Variants in TTC28 observed in about 807,000 individuals in gnomAD.
The protein encoded by TTC28 is tetratricopeptide repeat protein 28.
TTC28 carries 61 observed loss-of-function variants against 198.0 expected under a neutral mutation model. That is an observed-to-expected ratio of 0.31 (90% confidence interval 0.25 to 0.38). TTC28 has a LOEUF of 0.38. Ranked by LOEUF, TTC28 falls within the 10% of genes least tolerant of loss-of-function variation. The pLI is 1.00. For missense variants in TTC28, 2,678 were observed against 3,164.0 expected (o/e 0.85, Z 3.69); for synonymous variants, 1,171 against 1,297.8 (o/e 0.90, Z 2.10).
intron 5 of TTC28, among the ~76,000 whole-genome samples, chr22:28,289,783 T>G (rs1036857648): frequency 2.6e-5 from 4 of 152,202 alleles, no homozygotes; most frequent in Non-Finnish European, 5.9e-5. Context: ...CCCAACACTT[T>G]GGGAGGCCAA....
At chr22:28,355,891 G>C (rs948138026) in intron 2 of TTC28, among the ~76,000 whole-genome samples, 1 of 152,160 alleles carries the variant, frequency 6.6e-6, no homozygotes, top group African/African-American at 2.4e-5. Flanking sequence ...CCACTGCAGC[G>C]GGGAGAAGAT....
At chr22:28,299,688 CAAAAAT>C (rs2044977813) in intron 3 of TTC28, among the ~76,000 whole-genome samples, 1 of 152,064 alleles carries the variant, frequency 6.6e-6, no homozygotes, top group Non-Finnish European at 1.5e-5. Flanking sequence ...TTAGCAGAAA[CAAAAAT>C]AATAGAATTT....
At chr22:28,154,282 G>A (rs1460308224) in intron 6 of TTC28, among the ~76,000 whole-genome samples, 7 of 151,194 alleles carry the variant, frequency 4.6e-5, no homozygotes, top group Admixed American at 4.6e-4. Context: ...TCATTGTTAT[G>A]CAACTACAGT....
intron 6 of TTC28, among the ~76,000 whole-genome samples, chr22:28,157,296 T>G (rs1296255567): frequency 1.3e-5 from 2 of 152,126 alleles, no homozygotes; most frequent in African/African-American, 4.8e-5. Context: ...GCAATGAGAT[T>G]AAAGCTGTAA....
intron 1 of TTC28, among the ~76,000 whole-genome samples, chr22:28,678,986 T>C (rs566766503): frequency 2.0e-5 from 3 of 152,094 alleles, no homozygotes; most frequent in African/African-American, 7.2e-5. Context: ...GAGGCAAGGG[T>C]GGGGGTAAGC....
At chr22:28,597,956 G>A (rs2050569470) in intron 2 of TTC28, among the ~76,000 whole-genome samples, 1 of 151,598 alleles carries the variant, frequency 6.6e-6, no homozygotes, top group African/African-American at 2.4e-5. Context: ...CACACCTCCT[G>A]AGCTCAAGCA....
chr22:28,071,283 G>A (rs949211122), intron 12 of TTC28, among the ~76,000 whole-genome samples: 12 of 151,916 alleles, frequency 7.9e-5, no homozygotes, highest in South Asian at 2.1e-4. Flanking sequence ...ACATGCACAC[G>A]TATGTTTATT....
intron 2 of TTC28, among the ~76,000 whole-genome samples, chr22:28,529,948 G>A (rs1339819848): frequency 6.6e-6 from 1 of 152,132 alleles, no homozygotes; most frequent in Non-Finnish European, 1.5e-5. Flanking sequence ...CACAAAAATG[G>A]GGAAAAACCA....
At chr22:28,196,910 T>C (rs554352876) in intron 5 of TTC28, among the ~76,000 whole-genome samples, 2 of 152,160 alleles carry the variant, frequency 1.3e-5, no homozygotes, top group Non-Finnish European at 2.9e-5. Flanking sequence ...ACCCAACCAT[T>C]CCATTACTTG....
Position 28,163,194 on chromosome 22 carries a change from TGCACCTGGCA to T in TTC28, c.1329_1338del (p.Ala444CysfsTer34). 1 of 1,551,784 alleles carries T rather than the reference TGCACCTGGCA, an allele frequency of 6.4e-7. No individual in the cohort carries two copies. The highest frequency in any genetic ancestry group is 8.7e-7 in the Non-Finnish European group (1 of 1,147,018). Reference sequence around the variant, plus strand: ...TGTTTAGCTCTCTCCAAATCCTGCATGCACCTGGCAGCATGGCCTAGTCCAGCATAGGCCC... The same window carrying T: ...TGTTTAGCTCTCTCCAAATCCTGCATGCATGGCCTAGTCCAGCATAGGCCC... On this transcript the variant is annotated frameshift_variant, in exon 6 of 23. Transcript: ENST00000397906. LOFTEE classifies it high-confidence loss of function.
At chr22:28,182,055 G>A (rs991765835) in intron 5 of TTC28, among the ~76,000 whole-genome samples, 1 of 151,850 alleles carries the variant, frequency 6.6e-6, no homozygotes, top group African/African-American at 2.4e-5. Context: ...AGTTTGTTTG[G>A]GGTTAAATTC....
chr22:28,618,166 T>G (rs1027164029), intron 2 of TTC28, among the ~76,000 whole-genome samples: 4 of 151,916 alleles, frequency 2.6e-5, no homozygotes, highest in African/African-American at 4.8e-5. Context: ...TCCTAGATAC[T>G]TGGGAAGCTG....
chr22:28,239,873 A>C (rs958529148), intron 5 of TTC28, among the ~76,000 whole-genome samples: 2 of 152,190 alleles, frequency 1.3e-5, no homozygotes, highest in Non-Finnish European at 2.9e-5. Context: ...AAGGAGATCT[A>C]ATCTTCTTTA....
intron 21 of TTC28, chr22:27,985,589 G>A: frequency 9.8e-6 from 4 of 406,216 alleles, no homozygotes; most frequent in Non-Finnish European, 1.9e-5. Context: ...CGTGTGTGTG[G>A]CTCTCACTGC....
At chr22:28,433,455 C>G (rs2047465215) in intron 2 of TTC28, among the ~76,000 whole-genome samples, 1 of 152,132 alleles carries the variant, frequency 6.6e-6, no homozygotes, top group South Asian at 2.1e-4. Context: ...TGCTACTCTG[C>G]TTACTAGTCT....
chr22:28,648,122 G>T (rs1407935983), intron 1 of TTC28, among the ~76,000 whole-genome samples: 3 of 150,896 alleles, frequency 2.0e-5, no homozygotes, highest in African/African-American at 7.3e-5. Context: ...TACTTGGGAG[G>T]CTGAGGCAGG....
intron 3 of TTC28, among the ~76,000 whole-genome samples, chr22:28,299,627 G>A (rs898811917): frequency 1.3e-5 from 2 of 152,302 alleles, no homozygotes; most frequent in South Asian, 2.1e-4. Context: ...GGTGCCGTCC[G>A]CTGATGAGTT....
intron 2 of TTC28, among the ~76,000 whole-genome samples, chr22:28,578,239 G>C (rs2050180911): frequency 6.6e-6 from 1 of 151,958 alleles, no homozygotes; most frequent in South Asian, 2.1e-4. Flanking sequence ...AATAAGCAAA[G>C]AGAAAACTAT....
At position 27,999,229 on chromosome 22, in the gene TTC28, G is replaced by T; in HGVS notation, c.4430C>A (p.Ser1477Tyr). ...GACAGCCGCCATGGATGTGGAGCTG[G>T]AGTATGTGGGCGGGTTCTTCCGTAA... ...SHLRKNPPTY[S>Y]SSTSMAAVIG... Residue 1477 changes from serine (S) to tyrosine (Y), a missense_variant, in exon 16 of 23, where the codon TCC becomes TAC. Physicochemically the swap from Ser to Tyr is moderately radical, Grantham distance 144. Transcript: ENST00000397906. 6.4e-7 allele frequency: 1 copy of T among 1,550,878 alleles called. No individual in the cohort carries two copies. The highest frequency in any genetic ancestry group is 8.7e-7 in the Non-Finnish European group (1 of 1,146,858).
Sources: allele counts gnomAD v4.1 joint callset (sites outside exome capture counted in the v4.1 genomes callset), GRCh38; gene constraint gnomAD v4.1.1; transcripts MANE v1.5; gene names NCBI Gene and HGNC (gene_info 2026-07-23, HGNC 2026-07-21).